Variants in CTXND1 observed in about 807,000 individuals in gnomAD.
CTXND1 encodes the protein cortexin domain-containing 1 protein.
At chr15:80,236,333 TG>T (rs1217938457) in intron 1 of CTXND1, among the ~76,000 whole-genome samples, 1 of 152,158 alleles carries the variant, frequency 6.6e-6, no homozygotes, top group East Asian at 1.9e-4. Flanking sequence ...TACAGTTCTA[TG>T]GGAACACAGC....
intron 1 of CTXND1, among the ~76,000 whole-genome samples, chr15:80,222,161 T>C (rs1893325785): frequency 6.6e-6 from 1 of 152,156 alleles, no homozygotes; most frequent in Non-Finnish European, 1.5e-5. Context: ...ATTTGATCCA[T>C]CCAATTTTAA....
intron 1 of CTXND1, among the ~76,000 whole-genome samples, chr15:80,226,616 C>A (rs149197591): frequency 1.3e-5 from 2 of 152,174 alleles, no homozygotes; most frequent in South Asian, 2.1e-4. Context: ...CCAACTCCCC[C>A]ACAGCTGAGT....
At chr15:80,236,139 C>T (rs1893492811) in intron 1 of CTXND1, among the ~76,000 whole-genome samples, 1 of 151,358 alleles carries the variant, frequency 6.6e-6, no homozygotes, top group Non-Finnish European at 1.5e-5. Context: ...ATGGTCCTCT[C>T]TGGGATATTC....
chr15:80,211,250 A>G (rs186677791), intron 1 of CTXND1, among the ~76,000 whole-genome samples: 31 of 152,316 alleles, frequency 2.0e-4, no homozygotes, highest in African/African-American at 7.2e-4. Flanking sequence ...AGAGCACGCC[A>G]CTTCTCACTG....
chr15:80,232,424 A>G (rs997788905), intron 1 of CTXND1, among the ~76,000 whole-genome samples: 1 of 152,166 alleles, frequency 6.6e-6, no homozygotes, highest in Non-Finnish European at 1.5e-5. Flanking sequence ...CGATGTAATT[A>G]TTTCCCTTTT....
At chr15:80,239,376 G>A (rs1167817229) in intron 1 of CTXND1, among the ~76,000 whole-genome samples, 1 of 152,228 alleles carries the variant, frequency 6.6e-6, no homozygotes, top group Non-Finnish European at 1.5e-5. Flanking sequence ...TCCTAGGTGT[G>A]TCTGTAAGGG....
intron 1 of CTXND1, among the ~76,000 whole-genome samples, chr15:80,223,832 A>C (rs890547765): frequency 5.3e-5 from 8 of 151,552 alleles, no homozygotes; most frequent in Non-Finnish European, 8.8e-5. Flanking sequence ...AAAAATACCC[A>C]AAACAAAAAA....
intron 1 of CTXND1, among the ~76,000 whole-genome samples, chr15:80,227,012 A>G (rs1595907627): frequency 1.3e-5 from 2 of 152,254 alleles, no homozygotes; most frequent in Admixed American, 1.3e-4. Context: ...TCTTCTCTTC[A>G]TATCTTATTC....
intron 1 of CTXND1, among the ~76,000 whole-genome samples, chr15:80,205,436 T>C (rs1238536282): frequency 6.6e-6 from 1 of 152,226 alleles, no homozygotes; most frequent in African/African-American, 2.4e-5. Flanking sequence ...AGGTTGTACC[T>C]ATGTAAGCTT....
chr15:80,224,560 T>C (rs905504662), intron 1 of CTXND1, among the ~76,000 whole-genome samples: 1 of 152,236 alleles, frequency 6.6e-6, no homozygotes, highest in Admixed American at 6.5e-5. Context: ...CATTTCCGTA[T>C]AAATTCAGTT....
At chr15:80,221,793 T>C (rs924048096) in intron 1 of CTXND1, among the ~76,000 whole-genome samples, 1 of 152,228 alleles carries the variant, frequency 6.6e-6, no homozygotes, top group Non-Finnish European at 1.5e-5. Flanking sequence ...ATGCCATAGA[T>C]TTTGGAAACC....
At chr15:80,216,633 C>T (rs954991870) in intron 1 of CTXND1, among the ~76,000 whole-genome samples, 18 of 145,384 alleles carry the variant, frequency 1.2e-4, no homozygotes, top group Admixed American at 9.7e-4. Context: ...ATTTTTGAGA[C>T]GAAGTCTTGC....
intron 1 of CTXND1, among the ~76,000 whole-genome samples, chr15:80,237,498 T>TA (rs1893515711): frequency 6.6e-6 from 1 of 152,118 alleles, no homozygotes; most frequent in Non-Finnish European, 1.5e-5. Flanking sequence ...TGGGATAAGG[T>TA]AAGTGAAAGA....
intron 1 of CTXND1, among the ~76,000 whole-genome samples, chr15:80,218,136 T>C (rs1481266614): frequency 6.6e-6 from 1 of 152,152 alleles, no homozygotes; most frequent in Non-Finnish European, 1.5e-5. Flanking sequence ...TATCTGCTTA[T>C]TAGTATATGT....
intron 1 of CTXND1, among the ~76,000 whole-genome samples, chr15:80,246,273 A>G (rs1458183375): frequency 6.6e-6 from 1 of 152,260 alleles, no homozygotes; most frequent in Non-Finnish European, 1.5e-5. Flanking sequence ...AAAAAATACT[A>G]TGAGATCAAG....
intron 1 of CTXND1, among the ~76,000 whole-genome samples, chr15:80,250,382 C>T (rs888150664): frequency 1.3e-5 from 2 of 151,856 alleles, no homozygotes; most frequent in Non-Finnish European, 2.9e-5. Flanking sequence ...TTAAACAACT[C>T]CTATTCTGCC....
intron 1 of CTXND1, among the ~76,000 whole-genome samples, chr15:80,240,987 C>T (rs1455728028): frequency 6.6e-6 from 1 of 152,202 alleles, no homozygotes; most frequent in Non-Finnish European, 1.5e-5. Context: ...AGCTCTACTG[C>T]AGAGAAAGTG....
intron 1 of CTXND1, among the ~76,000 whole-genome samples, chr15:80,234,476 C>CTTT (rs5814009): frequency 3.0e-5 from 4 of 133,766 alleles, no homozygotes; most frequent in Non-Finnish European, 3.2e-5. Flanking sequence ...TGAACATGCC[C>CTTT]TTTTTTTTTT....
At chr15:80,204,156 AAAAAAAAAAAAAAATATATATATAT>A (rs1893118475) in intron 1 of CTXND1, among the ~76,000 whole-genome samples, 1 of 34,648 alleles carries the variant, frequency 2.9e-5, no homozygotes, top group African/African-American at 1.3e-4. Context: ...CAAAAAAAAA[AAAAAAAAAAAAAAATATATATATAT>A]ATATATATAT....
Sources: allele counts gnomAD v4.1 joint callset (sites outside exome capture counted in the v4.1 genomes callset), GRCh38; gene constraint gnomAD v4.1.1; transcripts MANE v1.5; gene names NCBI Gene and HGNC (gene_info 2026-07-23, HGNC 2026-07-21).